The following OTUD7B variants were observed in gnomAD, a reference collection of about 807,000 sequenced individuals.
OTUD7B encodes OTU domain-containing protein 7B.
OTUD7B carries 34 observed loss-of-function variants against 82.2 expected under a neutral mutation model. The observed-to-expected ratio is 0.41, with a 90% CI of 0.31 to 0.55. The LOEUF (loss-of-function observed/expected upper bound fraction) is 0.55. Ranked by LOEUF, OTUD7B falls within the 20% of genes least tolerant of loss-of-function variation. OTUD7B has a pLI of 0.20. For missense variants in OTUD7B, 944 were observed against 1,062.1 expected (o/e 0.89, Z 1.55); for synonymous variants, 398 against 402.7 (o/e 0.99, Z 0.14).
rs587615241 is a variant in OTUD7B at position 149,973,689 on chromosome 1, T to C, written c.86-2438A>G. On this transcript the variant is annotated intron_variant, in intron 2 of 11. Transcript: ENST00000581312. ...TTAGTGGAGATGGGGCTTCACCCTG[T>C]TGGCCAGGCTAGTCTCGAACTCCTG... Among the ~76,000 whole-genome samples, 45 of 152,126 alleles carry C rather than the reference T, an allele frequency of 3.0e-4. No individual in the cohort carries two copies. The South Asian group carries it at 6.6e-3, about 22-fold the overall frequency.
At chr1:150,044,454 C>T in the OTUD7B span, among the ~76,000 whole-genome samples, 11 of 151,974 alleles carry the variant, frequency 7.2e-5, no homozygotes, top group South Asian at 2.1e-4. Flanking sequence ...GTGACCCACC[C>T]GCCTCAACCT....
At chr1:149,981,195 A>G (rs1650708467) in intron 1 of OTUD7B, among the ~76,000 whole-genome samples, 1 of 152,140 alleles carries the variant, frequency 6.6e-6, no homozygotes, top group Non-Finnish European at 1.5e-5. Flanking sequence ...CTATTTGTTA[A>G]CTGAATGGTG....
chr1:149,950,789 G>GGTT (rs1559828301), intron 7 of OTUD7B, among the ~76,000 whole-genome samples: 13,642 of 132,636 alleles, frequency 0.1, 996 homozygotes, highest in African/African-American at 0.21. Context: ...TGTGTTTTTT[G>GGTT]TTTTTTTTTC....
chr1:150,003,249 CAA>C (rs11297514), intron 1 of OTUD7B, among the ~76,000 whole-genome samples: 1,521 of 117,730 alleles, frequency 0.013, 32 homozygotes, highest in African/African-American at 0.048. Flanking sequence ...GACTCTGTCT[CAA>C]AAAAAAAAAA....
At chr1:150,058,137 C>T in the OTUD7B span, among the ~76,000 whole-genome samples, 8 of 152,164 alleles carry the variant, frequency 5.3e-5, no homozygotes, top group African/African-American at 1.7e-4. Flanking sequence ...TTCGCTCAGC[C>T]CCCAATAATC....
At position 149,958,911 on chromosome 1, in the gene OTUD7B, A is replaced by ATT. The variant is rs782098386; in HGVS notation, c.845+771_845+772dup. On this transcript the variant is annotated intron_variant, in intron 7 of 11. Coordinates refer to ENST00000581312, the MANE Select transcript of OTUD7B (RefSeq NM_020205.4). ...AGGCATGCACCACCATGCCTGGCTA[A>ATT]TTTTTTTTTTTTAAGATGTGGTCTC... is the stretch of plus-strand genomic sequence containing the variant. 2.1e-3 allele frequency among the ~76,000 whole-genome samples: 311 copies of ATT among 147,022 alleles called. 2 individuals are homozygous for ATT. The highest frequency in any genetic ancestry group is 0.018 in the East Asian group (88 of 4,896).
At chr1:150,013,780 G>A (rs1294511280), upstream of OTUD7B, among the ~76,000 whole-genome samples, 2 of 151,074 alleles carry the variant, frequency 1.3e-5, no homozygotes, top group Non-Finnish European at 2.9e-5. Context: ...AAATTAGCCA[G>A]GCGAGGTGGC....
In OTUD7B at chr1:149,938,341, A is replaced by C. The variant is rs1553769625; in HGVS notation, c.*5516T>G. The C allele has an allele frequency of 6.6e-6, 1 of 151,728 alleles. No individual in the cohort carries two copies. Among genetic ancestry groups the C allele is most frequent in the African/African-American group, 2.4e-5 (1 of 41,234 alleles). The allele number at this position is 151,728 out of a possible 1,614,324, so 9.4% of individuals were successfully genotyped here. A position where few individuals can be genotyped will look rare whatever the true frequency, so the allele number is the denominator to read the frequency against. ...CCAGGCGTGGTGGCTCACACCTATAATCCCAGCTACTTGGGAGGCTGAGGC... is the reference window on the plus strand; with the variant it reads ...CCAGGCGTGGTGGCTCACACCTATACTCCCAGCTACTTGGGAGGCTGAGGC... On this transcript the variant is annotated 3_prime_UTR_variant, in exon 12 of 12. Transcript: ENST00000581312.
chr1:149,988,505 G>A (rs1362263290), intron 1 of OTUD7B, among the ~76,000 whole-genome samples: 1 of 152,136 alleles, frequency 6.6e-6, no homozygotes, highest in Non-Finnish European at 1.5e-5. Context: ...ATTGGCATTT[G>A]TCTCTTCAGT....
At chr1:149,962,051 C>T (rs1553775736) in intron 6 of OTUD7B, 2 of 152,138 alleles carry the variant, frequency 1.3e-5, no homozygotes, top group South Asian at 2.1e-4. Context: ...TTTTAAATGA[C>T]ACAGCTATTT....
At chr1:149,948,839 C>A in intron 10 of OTUD7B, 130 bp downstream of exon 10, 1 of 633,758 alleles carries the variant, frequency 1.6e-6, no homozygotes, top group East Asian at 2.7e-5. Context: ...CCTCTACCTC[C>A]CCATCTTCCC....
At chr1:149,958,911 A>AT (rs782098386) in intron 7 of OTUD7B, among the ~76,000 whole-genome samples, 144,325 of 147,134 alleles carry the variant, frequency 0.98, 70,761 homozygotes, top group Non-Finnish European at 1. Flanking sequence ...TGCCTGGCTA[A>AT]TTTTTTTTTT....
At chr1:150,052,204 C>A in the OTUD7B span, among the ~76,000 whole-genome samples, 1 of 152,146 alleles carries the variant, frequency 6.6e-6, no homozygotes, top group Non-Finnish European at 1.5e-5. Context: ...TAAACGGCAT[C>A]TGAATAGCAA....
In OTUD7B at chr1:149,944,254, CG is replaced by C. The variant is rs1647505105; in HGVS notation, c.2134del (p.Arg712GlyfsTer116). Reference protein sequence around the residue: ...SGGGVHCQEPRRQLAGGPCVG... With the variant: ...SGGGVHCQEPXRQLAGGPCVG... Reference sequence around the variant, plus strand: ...ACATGGACCCCCTGCCAACTGCCTCCGGGGTTCCTGGCAGTGGACTCCGCCC... The same window carrying C: ...ACATGGACCCCCTGCCAACTGCCTCCGGGTTCCTGGCAGTGGACTCCGCCC... On this transcript the variant is annotated frameshift_variant, in exon 12 of 12. Coordinates refer to ENST00000581312, the MANE Select transcript of OTUD7B (RefSeq NM_020205.4). LOFTEE classifies it high-confidence loss of function. The C allele has an allele frequency of 6.2e-7, 1 of 1,611,672 alleles. No homozygotes were observed. The highest frequency in any genetic ancestry group is 1.1e-5 in the South Asian group (1 of 90,852).
At chr1:150,042,317 C>T in the OTUD7B span, among the ~76,000 whole-genome samples, 1 of 151,560 alleles carries the variant, frequency 6.6e-6, no homozygotes, top group Non-Finnish European at 1.5e-5. Flanking sequence ...AGATTACAGG[C>T]GCCCACCACC....
At chr1:149,987,904 C>T (rs1553781199) in intron 1 of OTUD7B, among the ~76,000 whole-genome samples, 1 of 152,142 alleles carries the variant, frequency 6.6e-6, no homozygotes, top group Non-Finnish European at 1.5e-5. Context: ...CTACATAGCT[C>T]ATTCATTCCC....
chr1:149,953,521 G>A (rs2101761504), intron 7 of OTUD7B, among the ~76,000 whole-genome samples: 1 of 152,234 alleles, frequency 6.6e-6, no homozygotes, highest in East Asian at 1.9e-4. Context: ...GGATTGTCTT[G>A]GCAATGCAGG....
At chr1:149,993,458 T>C (rs1553782665) in intron 1 of OTUD7B, among the ~76,000 whole-genome samples, 1 of 152,172 alleles carries the variant, frequency 6.6e-6, no homozygotes, top group Non-Finnish European at 1.5e-5. Flanking sequence ...CCAAGATAGA[T>C]ATCAGCCAAC....
intron 2 of OTUD7B, among the ~76,000 whole-genome samples, chr1:149,971,453 CTAAG>C (rs1401669547): frequency 3.3e-5 from 5 of 151,950 alleles, no homozygotes; most frequent in East Asian, 1.9e-4. Flanking sequence ...TGTCTATTTC[CTAAG>C]TAAGTGCCAT....
Sources: gnomAD v4.1 joint callset for allele counts (sites outside exome capture counted in the v4.1 genomes callset) on GRCh38, gnomAD v4.1.1 for gene constraint, MANE v1.5 for transcripts, NCBI Gene and HGNC (gene_info 2026-07-23, HGNC 2026-07-21) for gene names.